Variants in ACSM2A observed in about 807,000 individuals in gnomAD.
ACSM2A encodes acyl-coenzyme A synthetase ACSM2A, mitochondrial.
In ACSM2A, 72 loss-of-function variants were observed where a neutral mutation model predicts 76.6. The observed-to-expected ratio is 0.94, with a 90% CI of 0.78 to 1.14. The LOEUF is 1.14. ACSM2A is among the 50% of genes most tolerant of loss of function. The pLI is 0.00. For missense variants in ACSM2A, 684 were observed against 708.5 expected (o/e 0.97, Z 0.39); for synonymous variants, 249 against 255.9 (o/e 0.97, Z 0.26).
At chr16:20,477,475 G>C (rs972409827) in intron 9 of ACSM2A, 26 bp downstream of exon 9, 3 of 1,581,208 alleles carry the variant, frequency 1.9e-6, no homozygotes, top group Admixed American at 1.8e-5. Flanking sequence ...TGAGGAGGGA[G>C]GAAGTTAGGG....
chr16:20,469,872 ATTTTTTTT>A (rs35674523), intron 4 of ACSM2A, among the ~76,000 whole-genome samples, 153 bp downstream of exon 4: 14 of 67,720 alleles, frequency 2.1e-4, no homozygotes, highest in Non-Finnish European at 3.8e-4. Flanking sequence ...ACACAAGGGT[ATTTTTTTT>A]TTTTTTTTTT....
intron 6 of ACSM2A, among the ~76,000 whole-genome samples, chr16:20,474,762 G>A (rs904969905): frequency 4.6e-5 from 7 of 152,136 alleles, no homozygotes; most frequent in Non-Finnish European, 8.8e-5. Flanking sequence ...GTATCATGAG[G>A]ATGATAGCAC....
At chr16:20,485,207 G>A (rs764486306) in intron 13 of ACSM2A, among the ~76,000 whole-genome samples, 5 of 152,138 alleles carry the variant, frequency 3.3e-5, no homozygotes, top group East Asian at 1.9e-4. Flanking sequence ...AAGATATTAC[G>A]AATGTTTAAG....
chr16:20,464,570 A>G, intron 2 of ACSM2A, among the ~76,000 whole-genome samples: 1 of 151,990 alleles, frequency 6.6e-6, no homozygotes, highest in South Asian at 2.1e-4. Context: ...AGATCTTATG[A>G]TCTCATTTAT....
chr16:20,479,873 G>A (rs1004097679), intron 10 of ACSM2A, among the ~76,000 whole-genome samples: 3 of 152,188 alleles, frequency 2.0e-5, no homozygotes, highest in Non-Finnish European at 4.4e-5. Context: ...TGTAATGGCT[G>A]TTTAGCTTCA....
chr16:20,463,476 T>C (rs2012764067), intron 2 of ACSM2A, among the ~76,000 whole-genome samples: 1 of 151,646 alleles, frequency 6.6e-6, no homozygotes, highest in Non-Finnish European at 1.5e-5. Flanking sequence ...TCGTTATGAG[T>C]GAGTTCATGA....
At chr16:20,457,047 A>C (rs1371435558) in intron 1 of ACSM2A, among the ~76,000 whole-genome samples, 1 of 152,068 alleles carries the variant, frequency 6.6e-6, no homozygotes, top group African/African-American at 2.4e-5. Flanking sequence ...AAGCTAAAAA[A>C]CTTGGAGGAG....
intron 6 of ACSM2A, chr16:20,474,154 G>A (rs2013583425): frequency 2.5e-6 from 1 of 399,716 alleles, no homozygotes; most frequent in Non-Finnish European, 4.9e-6. Context: ...CGTGTTCTCA[G>A]GACATCCTGA....
At chr16:20,472,742 T>G (rs2013496590) in intron 6 of ACSM2A, among the ~76,000 whole-genome samples, 1 of 152,062 alleles carries the variant, frequency 6.6e-6, no homozygotes, top group African/African-American at 2.4e-5. Context: ...TTATATGTAA[T>G]CTTTTGCATT....
intron 6 of ACSM2A, chr16:20,473,951 AT>A (rs1306440001): frequency 9.8e-6 from 4 of 407,808 alleles, no homozygotes; most frequent in Non-Finnish European, 1.9e-5. Flanking sequence ...CTTTCTATTG[AT>A]CCCAGGTCTT....
At chr16:20,486,387 G>C (rs1257646382) in intron 13 of ACSM2A, among the ~76,000 whole-genome samples, 187 bp from the exon 14 acceptor site, 1 of 152,194 alleles carries the variant, frequency 6.6e-6, no homozygotes, top group Admixed American at 6.5e-5. Context: ...AGACCTTTAT[G>C]CCCAATTCTA....
intron 9 of ACSM2A, among the ~76,000 whole-genome samples, chr16:20,478,193 G>A (rs2013859937): frequency 6.6e-6 from 1 of 152,172 alleles, no homozygotes; most frequent in Non-Finnish European, 1.5e-5. Context: ...AAGCACTGAA[G>A]CCCAGAGTTT....
intron 13 of ACSM2A, among the ~76,000 whole-genome samples, chr16:20,484,172 G>A (rs545834129): frequency 4.2e-4 from 63 of 150,332 alleles, no homozygotes; most frequent in Non-Finnish European, 7.7e-4. Context: ...CATCCTCAGA[G>A]AAAGTGCAGG....
intron 1 of ACSM2A, among the ~76,000 whole-genome samples, chr16:20,458,933 C>CATATAT (rs1213129201): frequency 2.9e-5 from 1 of 34,212 alleles, no homozygotes; most frequent in South Asian, 1.2e-3. Flanking sequence ...TATATATATA[C>CATATAT]ATATATATAT....
intron 12 of ACSM2A, chr16:20,482,332 C>G (rs542483978): frequency 6.6e-6 from 1 of 151,894 alleles, no homozygotes; most frequent in Non-Finnish European, 1.5e-5. Context: ...AGCCAAAGGA[C>G]AGAGCCCGTG....
intron 6 of ACSM2A, chr16:20,473,878 A>G: frequency 2.9e-6 from 1 of 346,156 alleles, no homozygotes; most frequent in Non-Finnish European, 5.5e-6. Context: ...GCCAGTACCT[A>G]AAAGCTTCCT....
At position 20,460,091 on chromosome 16, in the gene ACSM2A, C is replaced by T. The variant is rs1380253003; in HGVS notation, c.-8-16C>T. The T allele has an allele frequency of 1.3e-6, 2 of 1,595,506 alleles. No homozygotes were observed. Among genetic ancestry groups the T allele is most frequent in the Non-Finnish European group, 1.7e-6 (2 of 1,169,570 alleles). ...GTTAAAGAAGCTCTCACCTGTGTCT[C>T]TTCTTTCTTTTACAGGCCTGAATAT... On this transcript the variant is annotated splice_polypyrimidine_tract_variant and intron_variant, in intron 1 of 13. Transcript: ENST00000573854.
At position 20,460,048 on chromosome 16, in the gene ACSM2A, T is replaced by A. The variant is rs2012511061; in HGVS notation, c.-8-59T>A. The A allele has an allele frequency of 3.3e-6, 5 of 1,515,406 alleles. No homozygotes were observed. In the South Asian group the frequency reaches 6.7e-5, roughly 20 times the overall value. 93.9% of individuals were successfully genotyped at this position (1,515,406 alleles called of 1,614,324 possible). ...GGGATGAATCTCCTGAAGCTGCTGATGATCAGTAGAGCAATCTGTTAAAGA... is the reference window on the plus strand; with the variant it reads ...GGGATGAATCTCCTGAAGCTGCTGAAGATCAGTAGAGCAATCTGTTAAAGA... On this transcript the variant is annotated intron_variant, in intron 1 of 13. Transcript: ENST00000573854.
chr16:20,479,983 G>T (rs1399799499), intron 10 of ACSM2A, among the ~76,000 whole-genome samples: 1 of 152,182 alleles, frequency 6.6e-6, no homozygotes, highest in Non-Finnish European at 1.5e-5. Context: ...TCCAGTAACT[G>T]AACTTCCAGT....
Sources: gnomAD v4.1 joint callset for allele counts (sites outside exome capture counted in the v4.1 genomes callset) on GRCh38, gnomAD v4.1.1 for gene constraint, MANE v1.5 for transcripts, NCBI Gene and HGNC (gene_info 2026-07-23, HGNC 2026-07-21) for gene names.